Variants in PRIM2 observed in about 807,000 individuals in gnomAD.
PRIM2 encodes the protein DNA primase large subunit.
PRIM2 carries 39 observed loss-of-function variants against 67.3 expected under a neutral mutation model. The observed-to-expected ratio is 0.58, with a 90% CI of 0.45 to 0.76. The LOEUF is 0.76. Ranked by LOEUF, PRIM2 falls within the 30% of genes least tolerant of loss-of-function variation. PRIM2 has a pLI of 0.00. For missense variants in PRIM2, 398 were observed against 598.7 expected (o/e 0.66, Z 3.50); for synonymous variants, 143 against 198.7 (o/e 0.72, Z 2.36).
intron 8 of PRIM2, among the ~76,000 whole-genome samples, chr6:57,521,084 G>C (rs1469224807): frequency 4.6e-5 from 7 of 152,152 alleles, no homozygotes; most frequent in Non-Finnish European, 7.3e-5. Context: ...ATTTAAAACA[G>C]AATTTTATTG....
At chr6:57,322,730 G>T (rs1767701011) in intron 3 of PRIM2, among the ~76,000 whole-genome samples, 1 of 152,132 alleles carries the variant, frequency 6.6e-6, no homozygotes, top group Non-Finnish European at 1.5e-5. Flanking sequence ...GACTAATGTA[G>T]CTTTACATGC....
chr6:57,289,314 C>G, the PRIM2 span, among the ~76,000 whole-genome samples: 1 of 152,102 alleles, frequency 6.6e-6, no homozygotes, highest in South Asian at 2.1e-4. Flanking sequence ...GTGAAAAGAA[C>G]AAATCTACAT....
intron 7 of PRIM2, among the ~76,000 whole-genome samples, chr6:57,444,137 T>C (rs1216382751): frequency 3.3e-5 from 5 of 152,204 alleles, no homozygotes; most frequent in African/African-American, 4.8e-5. Context: ...AAATTACTTA[T>C]ATATTTAAAA....
At chr6:57,555,847 C>A (rs1210953278) in intron 10 of PRIM2, among the ~76,000 whole-genome samples, 27 of 152,116 alleles carry the variant, frequency 1.8e-4, no homozygotes, top group Non-Finnish European at 3.7e-4. Flanking sequence ...TGCTGAACAC[C>A]TGGCTAAATT....
intron 5 of PRIM2, among the ~76,000 whole-genome samples, chr6:57,369,563 CAG>C (rs1389102286): frequency 1.3e-5 from 2 of 152,128 alleles, no homozygotes; most frequent in Non-Finnish European, 2.9e-5. Flanking sequence ...CTAGAATGTT[CAG>C]AGTCTCTGTT....
chr6:57,364,772 A>G (rs1224823432), intron 5 of PRIM2, among the ~76,000 whole-genome samples: 1 of 152,032 alleles, frequency 6.6e-6, no homozygotes, highest in Non-Finnish European at 1.5e-5. Flanking sequence ...GCATTTACTA[A>G]TGTCCTCAGA....
chr6:57,263,279 A>T, the PRIM2 span, among the ~76,000 whole-genome samples: 1 of 152,216 alleles, frequency 6.6e-6, no homozygotes, highest in Non-Finnish European at 1.5e-5. Flanking sequence ...ATTGGCTTAA[A>T]ACAACAAAAA....
intron 12 of PRIM2, among the ~76,000 whole-genome samples, chr6:57,611,945 A>G (rs1776674446): frequency 6.6e-6 from 1 of 152,136 alleles, no homozygotes. Context: ...TTGAGTAGAC[A>G]GTTCACCAAA....
chr6:57,641,824 C>T (rs1362131161), intron 13 of PRIM2, among the ~76,000 whole-genome samples: 8 of 152,214 alleles, frequency 5.3e-5, no homozygotes, highest in East Asian at 1.9e-4. Context: ...GACAGTGTGG[C>T]GATTTCTCAA....
the PRIM2 span, among the ~76,000 whole-genome samples, chr6:57,250,190 T>C: frequency 1.8e-4 from 28 of 152,228 alleles, no homozygotes; most frequent in African/African-American, 6.8e-4. Flanking sequence ...ATTATTTGGT[T>C]TTACAAATAT....
chr6:57,295,205 A>G, the PRIM2 span, among the ~76,000 whole-genome samples: 1 of 152,212 alleles, frequency 6.6e-6, no homozygotes, highest in Non-Finnish European at 1.5e-5. Flanking sequence ...AAAGTCATCC[A>G]TTCAAGAGTT....
chr6:57,439,402 C>CTT (rs1772122658), intron 7 of PRIM2, among the ~76,000 whole-genome samples: 1 of 104,384 alleles, frequency 9.6e-6, no homozygotes, highest in Admixed American at 1.1e-4. Flanking sequence ...TAGAGGTACT[C>CTT]TGTTTTTTTT....
At chr6:57,392,922 C>T (rs1770402371) in intron 7 of PRIM2, among the ~76,000 whole-genome samples, 4 of 149,064 alleles carry the variant, frequency 2.7e-5, no homozygotes, top group South Asian at 2.1e-4. Flanking sequence ...AGTTACTTCA[C>T]GTAGAATAGT....
intron 7 of PRIM2, among the ~76,000 whole-genome samples, chr6:57,400,800 G>C (rs1581865576): frequency 6.6e-6 from 1 of 152,084 alleles, no homozygotes; most frequent in Non-Finnish European, 1.5e-5. Flanking sequence ...CAAAAAAGTA[G>C]GTCTACTTTT....
intron 8 of PRIM2, among the ~76,000 whole-genome samples, chr6:57,517,848 A>G (rs1219088704): frequency 6.6e-6 from 1 of 152,138 alleles, no homozygotes; most frequent in Non-Finnish European, 1.5e-5. Flanking sequence ...TAAGGATTCC[A>G]TGGAAGAGGA....
intron 5 of PRIM2, among the ~76,000 whole-genome samples, chr6:57,374,597 T>A (rs1230093781): frequency 6.7e-6 from 1 of 149,600 alleles, no homozygotes; most frequent in South Asian, 2.1e-4. Context: ...CGGCCTTATT[T>A]ATTTATTTTT....
At chr6:57,350,937 G>A (rs1768838319) in intron 5 of PRIM2, among the ~76,000 whole-genome samples, 1 of 151,686 alleles carries the variant, frequency 6.6e-6, no homozygotes, top group Non-Finnish European at 1.5e-5. Flanking sequence ...TTACTAAAAA[G>A]CAGTTTGTCA....
rs1161492532 is a variant in PRIM2 at position 57,479,611 on chromosome 6, C to T, written c.694-27776C>T. On this transcript the variant is annotated intron_variant, in intron 7 of 13. Coordinates refer to ENST00000615550, the MANE Select transcript of PRIM2 (RefSeq NM_000947.5). ...GTATTACAGAGGGAAAAGGTTTGCT[C>T]TCTCTTTCACAGCTGTATATATTAT... Among the ~76,000 whole-genome samples, 43 of 152,264 alleles carry T rather than the reference C, an allele frequency of 2.8e-4. 1 individual carries two copies. The East Asian group carries it at 6.6e-3, about 23-fold the overall frequency.
At chr6:57,315,324 G>T (rs1034704263), upstream of PRIM2, among the ~76,000 whole-genome samples, 2 of 151,230 alleles carry the variant, frequency 1.3e-5, no homozygotes, top group African/African-American at 4.9e-5. Context: ...TCATCACATT[G>T]TCCAGTGGTT....
Sources: gnomAD v4.1 joint callset for allele counts (sites outside exome capture counted in the v4.1 genomes callset) on GRCh38, gnomAD v4.1.1 for gene constraint, MANE v1.5 for transcripts, NCBI Gene and HGNC (gene_info 2026-07-23, HGNC 2026-07-21) for gene names.